Variants in LRRC4C observed in about 807,000 individuals in gnomAD.
LRRC4C encodes leucine rich repeat containing 4C.
A neutral mutation model predicts 33.6 loss-of-function variants in LRRC4C; 5 were observed. The ratio of observed to expected loss-of-function variants is 0.15; its 90% CI spans 0.08 to 0.31. The LOEUF (loss-of-function observed/expected upper bound fraction) is 0.31. Ranked by LOEUF, LRRC4C falls within the 10% of genes least tolerant of loss-of-function variation. The probability of loss-of-function intolerance (pLI) is 1.00; values close to 1 mark genes in which losing one functional copy is unlikely to be tolerated. For missense variants in LRRC4C, 560 were observed against 796.7 expected, an observed-to-expected ratio of 0.70 and a Z score of 3.58; for synonymous variants, 329 against 302.0, an observed-to-expected ratio of 1.09 and a Z score of -0.93.
chr11:41,061,210 G>A (rs1937741544), intron 1 of LRRC4C, among the ~76,000 whole-genome samples: 1 of 152,194 alleles, frequency 6.6e-6, no homozygotes, highest in African/African-American at 2.4e-5. Flanking sequence ...AGGGGAAGGA[G>A]TGGAGATGCA....
At chr11:40,847,866 C>A (rs988937541) in intron 2 of LRRC4C, among the ~76,000 whole-genome samples, 1 of 145,490 alleles carries the variant, frequency 6.9e-6, no homozygotes, top group Non-Finnish European at 1.5e-5. Flanking sequence ...AGGAATTCAA[C>A]TTCTTCCTGG....
intron 2 of LRRC4C, among the ~76,000 whole-genome samples, chr11:40,827,101 C>T (rs1282032597): frequency 6.6e-6 from 1 of 151,620 alleles, no homozygotes; most frequent in East Asian, 1.9e-4. Flanking sequence ...ATCATAAAAG[C>T]ATAAACTTAC....
At chr11:40,842,379 A>G (rs1431348579) in intron 2 of LRRC4C, among the ~76,000 whole-genome samples, 2 of 152,162 alleles carry the variant, frequency 1.3e-5, no homozygotes, top group Non-Finnish European at 2.9e-5. Context: ...TATCCTGCAG[A>G]CTTTTTTGGA....
chr11:40,189,581 A>G (rs370791762), intron 5 of LRRC4C, among the ~76,000 whole-genome samples: 11 of 152,358 alleles, frequency 7.2e-5, no homozygotes, highest in African/African-American at 2.2e-4. Flanking sequence ...GGCACTTCAC[A>G]TAGTAGCTAC....
intron 5 of LRRC4C, among the ~76,000 whole-genome samples, chr11:40,193,831 T>A (rs1333041216): frequency 1.3e-5 from 2 of 152,014 alleles, no homozygotes; most frequent in Non-Finnish European, 2.9e-5. Flanking sequence ...AATAGCTGAA[T>A]CGATCAAGTG....
At chr11:40,949,083 C>T (rs1224289064) in intron 1 of LRRC4C, among the ~76,000 whole-genome samples, 3 of 151,916 alleles carry the variant, frequency 2.0e-5, no homozygotes, top group African/African-American at 7.3e-5. Flanking sequence ...GATGATATCT[C>T]ATTGTGGTTT....
At position 40,752,433 on chromosome 11, in the gene LRRC4C, G is replaced by A. The variant is rs1471261813; in HGVS notation, c.-406-104155C>T. Reference sequence around the variant, plus strand: ...AAACAAATCATCACACTAAAAAGTGGACAAGTAACCTGAATAAACAATCCT... The same window carrying A: ...AAACAAATCATCACACTAAAAAGTGAACAAGTAACCTGAATAAACAATCCT... On this transcript the variant is annotated intron_variant, in intron 2 of 6. Coordinates refer to ENST00000528697, the MANE Select transcript of LRRC4C (RefSeq NM_001258419.2). 3.3e-5 allele frequency among the ~76,000 whole-genome samples: 5 copies of A among 151,834 alleles called. No homozygotes were observed. In the East Asian group the frequency reaches 7.7e-4, roughly 23 times the overall value.
intron 1 of LRRC4C, among the ~76,000 whole-genome samples, chr11:41,418,868 ATAAT>A (rs1954781133): frequency 6.6e-6 from 1 of 152,040 alleles, no homozygotes. Context: ...AATGGTTGAA[ATAAT>A]TAAGGTGGAA....
chr11:40,623,365 GTTCTAAAGATTGTCTTGATGCCATT>G (rs1962640217), intron 3 of LRRC4C, among the ~76,000 whole-genome samples: 2 of 151,970 alleles, frequency 1.3e-5, no homozygotes, highest in Non-Finnish European at 2.9e-5. Flanking sequence ...GCTATTTTAA[GTTCTAAAGATTGTCTTGATGCCATT>G]CTAGCAACAG....
At chr11:40,402,604 C>T (rs1021483537) in intron 3 of LRRC4C, among the ~76,000 whole-genome samples, 2 of 152,018 alleles carry the variant, frequency 1.3e-5, no homozygotes, top group African/African-American at 4.8e-5. Flanking sequence ...CTTTCTTCAT[C>T]GAAATAGATA....
intron 1 of LRRC4C, among the ~76,000 whole-genome samples, chr11:41,287,618 T>C (rs1420019466): frequency 6.6e-6 from 1 of 152,204 alleles, no homozygotes; most frequent in Non-Finnish European, 1.5e-5. Flanking sequence ...ATTTTCAATA[T>C]TAATTACTGG....
chr11:40,724,061 A>T (rs559437715), intron 2 of LRRC4C, among the ~76,000 whole-genome samples: 3 of 152,322 alleles, frequency 2.0e-5, no homozygotes, highest in African/African-American at 7.2e-5. Flanking sequence ...AAGAAAGCTT[A>T]ATTATCCTAA....
At chr11:40,295,932 A>G (rs1443864857) in intron 4 of LRRC4C, among the ~76,000 whole-genome samples, 1 of 152,246 alleles carries the variant, frequency 6.6e-6, no homozygotes. Flanking sequence ...ATTAAAAAGT[A>G]CATTCACTAG....
At chr11:41,356,431 G>C (rs185775544) in intron 1 of LRRC4C, among the ~76,000 whole-genome samples, 6 of 152,178 alleles carry the variant, frequency 3.9e-5, no homozygotes, top group African/African-American at 1.4e-4. Context: ...ATGACTCATG[G>C]GTAAGGGGCC....
intron 3 of LRRC4C, among the ~76,000 whole-genome samples, chr11:40,343,711 G>GAAAAA (rs5791374): frequency 0.062 from 6,472 of 104,254 alleles, 461 homozygotes; most frequent in East Asian, 0.26. Context: ...TTGTTTTTTT[G>GAAAAA]AAAAAAAAAA....
At chr11:40,696,754 A>ATATATATATATATATATATATCTGAG (rs1945573482) in intron 2 of LRRC4C, among the ~76,000 whole-genome samples, 3 of 138,338 alleles carry the variant, frequency 2.2e-5, no homozygotes, top group Non-Finnish European at 4.7e-5. Flanking sequence ...CTGTGTATAT[A>ATATATATATATATATATATATCTGAG]TATATATATA....
intron 3 of LRRC4C, among the ~76,000 whole-genome samples, chr11:40,400,667 T>C (rs1590617912): frequency 6.6e-6 from 1 of 152,112 alleles, no homozygotes; most frequent in Non-Finnish European, 1.5e-5. Context: ...TGAATGTCCA[T>C]ATCTTGTTAA....
chr11:40,951,434 T>A (rs543880379), intron 1 of LRRC4C, among the ~76,000 whole-genome samples: 4 of 151,786 alleles, frequency 2.6e-5, no homozygotes, highest in South Asian at 2.1e-4. Flanking sequence ...AAAAAAAAAA[T>A]TCCTGATGCA....
chr11:41,267,603 CA>C (rs1375284561), intron 1 of LRRC4C, among the ~76,000 whole-genome samples: 1 of 152,050 alleles, frequency 6.6e-6, no homozygotes, highest in South Asian at 2.1e-4. Context: ...TAGAATCTGC[CA>C]AAAAGTCTTC....
Sources: gnomAD v4.1 joint callset for allele counts (sites outside exome capture counted in the v4.1 genomes callset) on GRCh38, gnomAD v4.1.1 for gene constraint, MANE v1.5 for transcripts, NCBI Gene and HGNC (gene_info 2026-07-23, HGNC 2026-07-21) for gene names.